MAP2K6: variants seen among roughly 807,000 people sequenced by gnomAD.
The protein encoded by MAP2K6 is mitogen-activated protein kinase kinase 6, also known as dual specificity mitogen-activated protein kinase kinase 6.
A neutral mutation model predicts 53.7 loss-of-function variants in MAP2K6; 16 were observed. The ratio of observed to expected loss-of-function variants is 0.30; its 90% CI spans 0.20 to 0.45. MAP2K6 has a LOEUF of 0.45. Ranked by LOEUF, MAP2K6 falls within the 20% of genes least tolerant of loss-of-function variation. The probability of loss-of-function intolerance (pLI) is 1.00; values close to 1 mark genes in which losing one functional copy is unlikely to be tolerated. For synonymous variants in MAP2K6, 132 were observed against 143.1 expected (o/e 0.92, Z 0.55); for missense variants, 204 against 411.9 (o/e 0.50, Z 4.37).
chr17:69,414,898 C>A lies in MAP2K6; in HGVS notation c.-87C>A. ...TTGCATGAAGATTGCACGCCTGCAGCTTGCATCTTTGTTGCAAAACTAGCT... is the reference window on the plus strand; with the variant it reads ...TTGCATGAAGATTGCACGCCTGCAGATTGCATCTTTGTTGCAAAACTAGCT... On this transcript the variant is annotated 5_prime_UTR_variant, in exon 1 of 12. Transcript: ENST00000590474. 1 of 1,252,608 alleles carries A rather than the reference C, an allele frequency of 8.0e-7. No individual in the cohort carries two copies. Among genetic ancestry groups the A allele is most frequent in the Non-Finnish European group, 1.2e-6 (1 of 860,310 alleles). The allele number at this position is 1,252,608 out of a possible 1,614,324, so 77.6% of individuals were successfully genotyped here.
intron 5 of MAP2K6, 29 bp from the exon 6 acceptor site, chr17:69,520,241 A>G: frequency 8.7e-7 from 1 of 1,149,826 alleles, no homozygotes. Context: ...TCATCCTTTT[A>G]AACAATTCCT....
chr17:69,448,625 C>T (rs1019711406), intron 1 of MAP2K6, among the ~76,000 whole-genome samples: 2 of 151,928 alleles, frequency 1.3e-5, no homozygotes, highest in African/African-American at 4.8e-5. Context: ...TCAGCCACAT[C>T]TCCACTCTTG....
intron 1 of MAP2K6, among the ~76,000 whole-genome samples, chr17:69,489,200 A>G (rs1908653879): frequency 6.6e-6 from 1 of 150,942 alleles, no homozygotes; most frequent in African/African-American, 2.4e-5. Context: ...GGCCTGGGCA[A>G]CAAGAGTGAA....
chr17:69,457,155 G>GGT (rs1038506823), intron 1 of MAP2K6, among the ~76,000 whole-genome samples: 26 of 152,256 alleles, frequency 1.7e-4, no homozygotes, highest in African/African-American at 6.3e-4. Context: ...TCTCTACAAT[G>GGT]GTGGTTTCTT....
intron 1 of MAP2K6, among the ~76,000 whole-genome samples, chr17:69,497,418 G>A (rs540842461): frequency 1.3e-5 from 2 of 152,228 alleles, no homozygotes; most frequent in South Asian, 4.2e-4. Context: ...AAGACCTGGA[G>A]GCATAAAACA....
At chr17:69,516,977 T>C in intron 3 of MAP2K6, 74 bp downstream of exon 3, 1 of 1,224,416 alleles carries the variant, frequency 8.2e-7, no homozygotes, top group East Asian at 2.3e-5. Flanking sequence ...AAAAATTTAT[T>C]TTCCCTAGCA....
intron 1 of MAP2K6, among the ~76,000 whole-genome samples, chr17:69,504,261 G>A (rs1465886414): frequency 6.6e-6 from 1 of 151,952 alleles, no homozygotes; most frequent in Non-Finnish European, 1.5e-5. Context: ...GGTGGGAAAG[G>A]AGGTAGGATT....
At chr17:69,417,301 T>C (rs1905936283) in intron 1 of MAP2K6, among the ~76,000 whole-genome samples, 1 of 152,182 alleles carries the variant, frequency 6.6e-6, no homozygotes, top group Admixed American at 6.5e-5. Context: ...GGAGGAAAAG[T>C]GAAAAGTGGA....
At chr17:69,486,098 T>A (rs563180503) in intron 1 of MAP2K6, among the ~76,000 whole-genome samples, 1 of 152,290 alleles carries the variant, frequency 6.6e-6, no homozygotes, top group East Asian at 1.9e-4. Context: ...ATATCATACT[T>A]GGAAGCATTC....
At chr17:69,479,884 C>T (rs1259528130) in intron 1 of MAP2K6, among the ~76,000 whole-genome samples, 2 of 152,036 alleles carry the variant, frequency 1.3e-5, no homozygotes, top group African/African-American at 4.8e-5. Context: ...AGGCGCACAC[C>T]ACCGTGCCTG....
At chr17:69,539,960 TG>T (rs1911534978) in intron 11 of MAP2K6, among the ~76,000 whole-genome samples, 1 of 152,308 alleles carries the variant, frequency 6.6e-6, no homozygotes, top group Non-Finnish European at 1.5e-5. Flanking sequence ...GAGCTTCAGT[TG>T]ATTTCATGAG....
intron 10 of MAP2K6, 187 bp from the exon 11 acceptor site, chr17:69,535,928 G>T (rs988251301): frequency 3.8e-6 from 2 of 527,340 alleles, no homozygotes; most frequent in Non-Finnish European, 6.8e-6. Context: ...TTCCCATTAA[G>T]GCACAACCAG....
At chr17:69,519,249 T>G (rs1910340713) in intron 4 of MAP2K6, 64 bp from the exon 5 acceptor site, 1 of 1,555,320 alleles carries the variant, frequency 6.4e-7, no homozygotes, top group African/African-American at 1.4e-5. Flanking sequence ...TGGGACTCCT[T>G]CAGGTCCCTG....
At chr17:69,465,512 A>G (rs1054984642) in intron 1 of MAP2K6, among the ~76,000 whole-genome samples, 1 of 152,186 alleles carries the variant, frequency 6.6e-6, no homozygotes, top group East Asian at 1.9e-4. Context: ...GCTGAAAGAC[A>G]AAAGGCCACC....
At chr17:69,497,354 C>T (rs996664909) in intron 1 of MAP2K6, among the ~76,000 whole-genome samples, 2 of 152,158 alleles carry the variant, frequency 1.3e-5, no homozygotes, top group East Asian at 1.9e-4. Context: ...AGCTGAGTGT[C>T]GCAGTTGACT....
At chr17:69,450,157 T>A (rs1328995810) in intron 1 of MAP2K6, among the ~76,000 whole-genome samples, 1 of 149,954 alleles carries the variant, frequency 6.7e-6, no homozygotes, top group Admixed American at 6.7e-5. Flanking sequence ...TTCACCATGT[T>A]GGCCAGGCTG....
Position 69,552,999 on chromosome 17 carries a change from T to C in MAP2K6, c.*11246T>C, listed in dbSNP as rs924484013. On this transcript the variant is annotated 3_prime_UTR_variant, in exon 12 of 12. Coordinates refer to ENST00000590474, the MANE Select transcript of MAP2K6 (RefSeq NM_002758.4). The stretch of plus-strand genomic sequence containing the variant: ...AGTTTTGTTAGTGTTCCCAGAAATA[T>C]ACTGAATTGAGGGATAATGTAGCTT... 4.6e-5 allele frequency: 7 copies of C among 152,246 alleles called. No individual in the cohort carries two copies. Among genetic ancestry groups the C allele is most frequent in the African/African-American group, 1.4e-4 (6 of 41,458 alleles). The allele number at this position is 152,246 out of a possible 1,614,324, so 9.4% of individuals were successfully genotyped here.
intron 1 of MAP2K6, among the ~76,000 whole-genome samples, chr17:69,442,960 ATAAAACAGTAT>A: frequency 6.6e-6 from 1 of 152,310 alleles, no homozygotes; most frequent in East Asian, 1.9e-4. Context: ...TTCTATTAAT[ATAAAACAGTAT>A]TTTCCATCCT....
At position 69,414,920 on chromosome 17, in the gene MAP2K6, A is replaced by G; in HGVS notation, c.-65A>G. 6.9e-7 allele frequency: 1 copy of G among 1,453,268 alleles called. No homozygotes were observed. Among genetic ancestry groups the G allele is most frequent in the Non-Finnish European group, 9.6e-7 (1 of 1,039,706 alleles). The allele number at this position is 1,453,268 out of a possible 1,614,324, so 90.0% of individuals were successfully genotyped here. ...CAGCTTGCATCTTTGTTGCAAAACT[A>G]GCTACAGAAGAGAAGCAAGGCAAAG... On this transcript the variant is annotated 5_prime_UTR_variant, in exon 1 of 12. The change abolishes the stop of an existing upstream ORF in the 5' untranslated region. Transcript: ENST00000590474.
Sources: gnomAD v4.1 joint callset for allele counts (sites outside exome capture counted in the v4.1 genomes callset) on GRCh38, gnomAD v4.1.1 for gene constraint, MANE v1.5 for transcripts, NCBI Gene and HGNC (gene_info 2026-07-23, HGNC 2026-07-21) for gene names.